Variants in TNIK observed in about 807,000 individuals in gnomAD.
TNIK encodes TRAF2 and NCK interacting kinase.
A neutral mutation model predicts 191.3 loss-of-function variants in TNIK; 49 were observed. That is an observed-to-expected ratio of 0.26 (90% confidence interval 0.20 to 0.32). TNIK has a LOEUF of 0.32. Ranked by LOEUF, TNIK falls within the 10% of genes least tolerant of loss-of-function variation. The pLI, the probability that TNIK is intolerant of heterozygous loss-of-function variation, is 1.00. For missense variants in TNIK, 1,155 were observed against 1,702.3 expected (o/e 0.68, Z 5.66); for synonymous variants, 594 against 600.9 (o/e 0.99, Z 0.17).
chr3:171,259,687 C>T (rs1188513291), intron 2 of TNIK, among the ~76,000 whole-genome samples: 1 of 152,182 alleles, frequency 6.6e-6, no homozygotes, highest in South Asian at 2.1e-4. Context: ...AGGCAAAAAA[C>T]TGGAAAGTGG....
intron 2 of TNIK, among the ~76,000 whole-genome samples, chr3:171,360,991 T>C (rs1714892955): frequency 6.6e-6 from 1 of 152,232 alleles, no homozygotes; most frequent in African/African-American, 2.4e-5. Context: ...CAGGCAGTTG[T>C]TAGATACTTA....
intron 1 of TNIK, among the ~76,000 whole-genome samples, chr3:171,414,255 T>C (rs2108611653): frequency 6.6e-6 from 1 of 152,334 alleles, no homozygotes; most frequent in African/African-American, 2.4e-5. Context: ...TAAATGGGAA[T>C]GAAAAGTGAT....
At chr3:171,435,796 A>G (rs891110141) in intron 1 of TNIK, among the ~76,000 whole-genome samples, 1 of 152,238 alleles carries the variant, frequency 6.6e-6, no homozygotes, top group African/African-American at 2.4e-5. Context: ...CAAGAAACAC[A>G]CATTATTGCT....
chr3:171,123,715 A>G lies in TNIK; in HGVS notation c.2014-13T>C. Reference sequence around the variant, plus strand: ...TTCTTTGAGGCACCTGGAAGAAACCAGAATTCAGAAATATTTTCCATAAAG... The same window carrying G: ...TTCTTTGAGGCACCTGGAAGAAACCGGAATTCAGAAATATTTTCCATAAAG... On this transcript the variant is annotated splice_polypyrimidine_tract_variant and intron_variant, in intron 17 of 32. Coordinates refer to ENST00000436636, the MANE Select transcript of TNIK (RefSeq NM_015028.4). 1 of 1,546,930 alleles carries G rather than the reference A, an allele frequency of 6.5e-7. No individual in the cohort carries two copies. The highest frequency in any genetic ancestry group is 1.2e-5 in the South Asian group (1 of 82,390).
chr3:171,307,610 G>A (rs1753592215), intron 2 of TNIK, among the ~76,000 whole-genome samples: 1 of 152,110 alleles, frequency 6.6e-6, no homozygotes, highest in African/African-American at 2.4e-5. Context: ...GTGAAATTCA[G>A]CCTTCATTTT....
chr3:171,148,632 G>T (rs1731967331), intron 12 of TNIK, among the ~76,000 whole-genome samples: 1 of 152,070 alleles, frequency 6.6e-6, no homozygotes, highest in Non-Finnish European at 1.5e-5. Context: ...TTTACAGAGA[G>T]GGCCACTCCA....
intron 2 of TNIK, among the ~76,000 whole-genome samples, chr3:171,296,010 T>C (rs923057330): frequency 9.2e-5 from 14 of 152,222 alleles, no homozygotes; most frequent in African/African-American, 3.4e-4. Flanking sequence ...TTAGCAGTCA[T>C]TTAAGTTCTG....
At chr3:171,324,821 G>A (rs1308379122) in intron 2 of TNIK, among the ~76,000 whole-genome samples, 3 of 152,108 alleles carry the variant, frequency 2.0e-5, no homozygotes, top group African/African-American at 7.2e-5. Flanking sequence ...ACTCAGGGCC[G>A]GGCGCGGTGG....
chr3:171,246,811 C>T (rs961632600), intron 2 of TNIK, among the ~76,000 whole-genome samples: 53 of 152,106 alleles, frequency 3.5e-4, no homozygotes, highest in African/African-American at 1.1e-3. Flanking sequence ...GGAGGCTGGC[C>T]GCTTGAGAAG....
intron 1 of TNIK, among the ~76,000 whole-genome samples, chr3:171,398,067 A>G (rs6782031): frequency 0.49 from 74,768 of 152,082 alleles, 19,200 homozygotes; most frequent in African/African-American, 0.59. Flanking sequence ...GGTGATATGC[A>G]TACTTTTAAT....
chr3:171,426,855 T>C (rs1466401972), intron 1 of TNIK, among the ~76,000 whole-genome samples: 1 of 152,094 alleles, frequency 6.6e-6, no homozygotes, highest in African/African-American at 2.4e-5. Flanking sequence ...GAGAGGTCAA[T>C]GAAGAGCGAG....
chr3:171,458,929 C>A (rs1306611425), intron 1 of TNIK, among the ~76,000 whole-genome samples: 1 of 152,170 alleles, frequency 6.6e-6, no homozygotes, highest in African/African-American at 2.4e-5. Context: ...CCACCCCTCA[C>A]CCCCTTCCAG....
chr3:171,183,719 A>G (rs181943459), intron 7 of TNIK, among the ~76,000 whole-genome samples: 35 of 152,182 alleles, frequency 2.3e-4, no homozygotes, highest in Admixed American at 5.2e-4. Flanking sequence ...TCAGGAGATC[A>G]AGACCAGCCT....
intron 12 of TNIK, among the ~76,000 whole-genome samples, chr3:171,153,987 T>C (rs563562734): frequency 1.3e-5 from 2 of 152,316 alleles, no homozygotes; most frequent in African/African-American, 4.8e-5. Flanking sequence ...ATTTCTAGTG[T>C]CTAACATGGT....
At chr3:171,327,986 T>C (rs1191705426) in intron 2 of TNIK, among the ~76,000 whole-genome samples, 2 of 145,074 alleles carry the variant, frequency 1.4e-5, no homozygotes, top group African/African-American at 5.0e-5. Flanking sequence ...TGAATCAGAA[T>C]CTCCAAGACT....
At chr3:171,162,530 T>C in intron 10 of TNIK, among the ~76,000 whole-genome samples, 1 of 152,238 alleles carries the variant, frequency 6.6e-6, no homozygotes, top group Non-Finnish European at 1.5e-5. Flanking sequence ...GCAGTTTACA[T>C]GTGTGAATGA....
chr3:171,093,572 G>A (rs1311704429), intron 23 of TNIK, among the ~76,000 whole-genome samples: 2 of 152,080 alleles, frequency 1.3e-5, no homozygotes, highest in Non-Finnish European at 2.9e-5. Flanking sequence ...TATATCCTCA[G>A]GCCCAAATTC....
chr3:171,307,035 C>T (rs746879305), intron 2 of TNIK, among the ~76,000 whole-genome samples: 7 of 152,030 alleles, frequency 4.6e-5, no homozygotes, highest in Non-Finnish European at 8.8e-5. Context: ...AGATTTAGAC[C>T]GAGAAATTCA....
intron 4 of TNIK, among the ~76,000 whole-genome samples, chr3:171,208,290 C>T (rs1740351079): frequency 6.6e-6 from 1 of 152,112 alleles, no homozygotes; most frequent in Middle Eastern, 3.4e-3. Context: ...CACCGCACTC[C>T]AGCCTGGAGG....
Sources: allele counts gnomAD v4.1 joint callset (sites outside exome capture counted in the v4.1 genomes callset), GRCh38; gene constraint gnomAD v4.1.1; transcripts MANE v1.5; gene names NCBI Gene and HGNC (gene_info 2026-07-23, HGNC 2026-07-21).